The following GNG2 variants were observed in gnomAD, a reference collection of about 807,000 sequenced individuals.
GNG2 encodes G protein subunit gamma 2.
Under a neutral mutation model 5.5 loss-of-function variants are expected in GNG2, and 5 were observed. The ratio of observed to expected loss-of-function variants is 0.91; its 90% confidence interval spans 0.48 to 1.92. The LOEUF (loss-of-function observed/expected upper bound fraction) is 1.92. Ranked by LOEUF, GNG2 falls within the 30% of genes most tolerant of loss-of-function variation. The pLI is 0.01. For missense variants in GNG2, 55 were observed against 88.4 expected (o/e 0.62, Z 1.52); for synonymous variants, 28 against 32.0 (o/e 0.88, Z 0.42).
upstream of GNG2, among the ~76,000 whole-genome samples, chr14:51,855,673 T>C (rs1882122958): frequency 6.6e-6 from 1 of 152,196 alleles, no homozygotes; most frequent in Non-Finnish European, 1.5e-5. Context: ...GTGGACAAGA[T>C]TTATGACTAC....
chr14:51,948,029 G>C (rs1888740386), intron 2 of GNG2, among the ~76,000 whole-genome samples: 1 of 152,208 alleles, frequency 6.6e-6, no homozygotes, highest in Admixed American at 6.5e-5. Flanking sequence ...CATGCTAGAG[G>C]TTCAAGAGGG....
rs58544362 is a variant in GNG2 at position 51,881,701 on chromosome 14, C to CTTTTTTTTTTTTT, written c.-30+4055_-30+4067dup. On this transcript the variant is annotated intron_variant, in intron 2 of 3. Coordinates refer to ENST00000556766, the MANE Select transcript of GNG2 (RefSeq NM_053064.5). ...CATTTGACTTTTAGGAGCTGGAAGACTTTTTTTTTTTTTTTTTTTTTTTAA... is the reference window on the plus strand; with the variant it reads ...CATTTGACTTTTAGGAGCTGGAAGACTTTTTTTTTTTTTTTTTTTTTTTTTTTTTTTTTTTTAA... Among the ~76,000 whole-genome samples the CTTTTTTTTTTTTT allele has an allele frequency of 7.2e-4, 75 of 104,208 alleles. 1 individual carries two copies. Among genetic ancestry groups the CTTTTTTTTTTTTT allele is most frequent in the African/African-American group, 2.7e-3 (73 of 26,864 alleles). The allele number at this position is 104,208 out of a possible 152,430, so 68.4% of individuals were successfully genotyped here.
intron 2 of GNG2, among the ~76,000 whole-genome samples, chr14:51,922,217 G>T (rs576755078): frequency 1.3e-5 from 2 of 151,974 alleles, no homozygotes; most frequent in South Asian, 4.1e-4. Flanking sequence ...AAAAGAGAGA[G>T]AAACTACTTT....
At chr14:51,833,060 A>T (rs1000126572) in intron 2 of GNG2, among the ~76,000 whole-genome samples, 6 of 152,148 alleles carry the variant, frequency 3.9e-5, no homozygotes, top group African/African-American at 1.2e-4. Flanking sequence ...TTCTCTATAG[A>T]TCCAGTCAAG....
upstream of GNG2, among the ~76,000 whole-genome samples, chr14:51,860,180 G>A (rs1343195483): frequency 6.8e-6 from 1 of 146,080 alleles, no homozygotes; most frequent in Non-Finnish European, 1.5e-5. Context: ...AGGCTGGTGT[G>A]GGATCTCGGG....
chr14:51,843,406 A>T (rs1881538350), intron 2 of GNG2, among the ~76,000 whole-genome samples: 1 of 152,104 alleles, frequency 6.6e-6, no homozygotes, highest in South Asian at 2.1e-4. Context: ...GGATGGGAGC[A>T]TCACACACTG....
chr14:51,901,793 G>C (rs1885579498), intron 2 of GNG2, among the ~76,000 whole-genome samples: 1 of 151,970 alleles, frequency 6.6e-6, no homozygotes, highest in Non-Finnish European at 1.5e-5. Flanking sequence ...CCTCTGGGAG[G>C]CATTAGCATC....
At chr14:51,954,390 C>T (rs910364729) in intron 3 of GNG2, among the ~76,000 whole-genome samples, 1 of 152,122 alleles carries the variant, frequency 6.6e-6, no homozygotes, top group South Asian at 2.1e-4. Context: ...GCAATAGACT[C>T]ACACTAACAC....
At chr14:51,843,175 A>T (rs1425685024) in intron 2 of GNG2, among the ~76,000 whole-genome samples, 1 of 152,144 alleles carries the variant, frequency 6.6e-6, no homozygotes, top group African/African-American at 2.4e-5. Context: ...TTCAGGGGAG[A>T]GGGAAGAAAT....
intron 1 of GNG2, among the ~76,000 whole-genome samples, chr14:51,863,502 G>A (rs1425251597): frequency 1.3e-5 from 2 of 152,158 alleles, no homozygotes; most frequent in East Asian, 3.8e-4. Context: ...CACAGGTTTA[G>A]GGAGACTTTT....
intron 2 of GNG2, among the ~76,000 whole-genome samples, chr14:51,834,682 T>C (rs908384299): frequency 1.3e-5 from 2 of 152,174 alleles, no homozygotes. Flanking sequence ...ATCCTTTCCA[T>C]GAGTAAGAAG....
intron 2 of GNG2, among the ~76,000 whole-genome samples, chr14:51,880,479 C>T (rs1036779862): frequency 1.3e-5 from 2 of 152,008 alleles, no homozygotes; most frequent in Non-Finnish European, 2.9e-5. Context: ...CATTTCTTGC[C>T]GGGTGTATGA....
rs1890109271 is a variant in GNG2, at chr14:51,969,620, A to G, written c.*2933A>G. 1 of 152,200 alleles carries G rather than the reference A, an allele frequency of 6.6e-6. No individual in the cohort carries two copies. Among genetic ancestry groups the G allele is most frequent in the South Asian group, 2.1e-4 (1 of 4,832 alleles). 9.4% of individuals were successfully genotyped at this position (152,200 alleles called of 1,614,324 possible). A position where few individuals can be genotyped will look rare whatever the true frequency, so the allele number is the denominator to read the frequency against. Reference sequence around the variant, plus strand: ...GGCAATGATGAATTGTTATGTATGCATTAATGTTTTGCAGCCCAAAAGTTG... The same window carrying G: ...GGCAATGATGAATTGTTATGTATGCGTTAATGTTTTGCAGCCCAAAAGTTG... On this transcript the variant is annotated 3_prime_UTR_variant, in exon 4 of 4. Transcript: ENST00000556766.
chr14:51,845,895 C>T (rs1313870295), intron 2 of GNG2, among the ~76,000 whole-genome samples: 1 of 152,148 alleles, frequency 6.6e-6, no homozygotes, highest in African/African-American at 2.4e-5. Context: ...AGTTACAGGG[C>T]TGGATCCATC....
intron 2 of GNG2, among the ~76,000 whole-genome samples, chr14:51,879,027 C>T (rs1352365829): frequency 6.6e-6 from 1 of 152,226 alleles, no homozygotes; most frequent in Non-Finnish European, 1.5e-5. Flanking sequence ...GTCCTTGGTT[C>T]ACAAAAGGCT....
rs572699119 is a variant in GNG2 at position 51,843,949 on chromosome 14, C to G, written c.64+16142C>G. ...CAAGGCCCCCTTTCTCCTCCCCACC[C>G]CTTGGTCACCACCTTGGTTTCCACC... is the stretch of plus-strand genomic sequence containing the variant. On this transcript the variant is annotated intron_variant, in intron 2 of 3. Transcript: ENST00000553432. Among the ~76,000 whole-genome samples the G allele has an allele frequency of 2.0e-5, 3 of 152,300 alleles. No homozygotes were observed. The East Asian group carries it at 5.8e-4, about 29-fold the overall frequency.
intron 2 of GNG2, among the ~76,000 whole-genome samples, chr14:51,945,608 G>GTGATGA (rs1888597220): frequency 6.6e-6 from 1 of 152,154 alleles, no homozygotes; most frequent in Non-Finnish European, 1.5e-5. Context: ...ATGGATGGTG[G>GTGATGA]TGATGATTGC....
chr14:51,923,952 A>G (rs1431626962), intron 2 of GNG2, among the ~76,000 whole-genome samples: 1 of 152,220 alleles, frequency 6.6e-6, no homozygotes, highest in Non-Finnish European at 1.5e-5. Flanking sequence ...TTCTCTGCTC[A>G]GAGATGTTGG....
chr14:51,845,362 C>T (rs28375416), intron 2 of GNG2, among the ~76,000 whole-genome samples: 4,330 of 152,170 alleles, frequency 0.028, 221 homozygotes, highest in African/African-American at 0.1. Flanking sequence ...CATGGTGGTG[C>T]GCATCTGTGT....
Sources: gnomAD v4.1 joint callset for allele counts (sites outside exome capture counted in the v4.1 genomes callset) on GRCh38, gnomAD v4.1.1 for gene constraint, MANE v1.5 for transcripts, NCBI Gene and HGNC (gene_info 2026-07-23, HGNC 2026-07-21) for gene names.